CNTN6: variants seen among roughly 807,000 people sequenced by gnomAD.
CNTN6 encodes contactin 6.
CNTN6 carries 137 observed loss-of-function variants against 122.8 expected under a neutral mutation model. The ratio of observed to expected loss-of-function variants is 1.12; its 90% CI spans 0.97 to 1.29. CNTN6 has a LOEUF of 1.29. CNTN6 is among the 50% of genes most tolerant of loss of function. The pLI is 0.00. For synonymous variants in CNTN6, 570 were observed against 426.0 expected (o/e 1.34, Z -4.16); for missense variants, 1,634 against 1,223.4 (o/e 1.34, Z -5.01).
At chr3:1,094,378 C>T (rs2090408735) in intron 1 of CNTN6, among the ~76,000 whole-genome samples, 1 of 152,058 alleles carries the variant, frequency 6.6e-6, no homozygotes, top group Non-Finnish European at 1.5e-5. Flanking sequence ...AGAAGCATTT[C>T]ATCTTTGATG....
intron 20 of CNTN6, among the ~76,000 whole-genome samples, chr3:1,389,934 G>GACTT (rs1175650562): frequency 2.0e-5 from 3 of 150,680 alleles, no homozygotes; most frequent in Non-Finnish European, 4.4e-5. Context: ...CCTACAAAGA[G>GACTT]ACTTAGACTC....
At chr3:1,336,921 A>C (rs986965764) in intron 11 of CNTN6, among the ~76,000 whole-genome samples, 1 of 152,052 alleles carries the variant, frequency 6.6e-6, no homozygotes, top group Non-Finnish European at 1.5e-5. Flanking sequence ...GGAAGAAGGA[A>C]GCCAAAGTAA....
intron 3 of CNTN6, 100 bp from the exon 4 acceptor site, chr3:1,227,718 G>C: frequency 8.0e-7 from 1 of 1,248,566 alleles, no homozygotes; most frequent in Admixed American, 2.2e-5. Context: ...ATGTTTTTTG[G>C]TGTTTTTTAT....
chr3:1,297,822 G>A, intron 6 of CNTN6, 67 bp from the exon 7 acceptor site: 1 of 1,243,936 alleles, frequency 8.0e-7, no homozygotes, highest in South Asian at 1.3e-5. Flanking sequence ...TTTGGTTAAT[G>A]AAGCATTTAC....
At chr3:1,222,930 G>C (rs1040823629) in intron 3 of CNTN6, among the ~76,000 whole-genome samples, 1 of 152,096 alleles carries the variant, frequency 6.6e-6, no homozygotes, top group African/African-American at 2.4e-5. Context: ...AAGAGAGTGA[G>C]AAAAGAATTA....
At chr3:1,382,810 T>C (rs574529507) in intron 17 of CNTN6, 132 bp from the exon 18 acceptor site, 2 of 630,084 alleles carry the variant, frequency 3.2e-6, no homozygotes, top group East Asian at 5.7e-5. Context: ...AAGTGTTTTT[T>C]AATACATCAT....
chr3:1,300,554 AG>A, intron 7 of CNTN6, among the ~76,000 whole-genome samples: 1 of 89,304 alleles, frequency 1.1e-5, no homozygotes, highest in African/African-American at 3.1e-5. Context: ...AGAAAGAGAA[AG>A]AAAAAGAAAG....
At chr3:1,402,516 T>C in intron 22 of CNTN6, 30 bp downstream of exon 22, 1 of 1,569,342 alleles carries the variant, frequency 6.4e-7, no homozygotes, top group Non-Finnish European at 8.7e-7. Flanking sequence ...CTGTAGTAGA[T>C]TCTGAACCTA....
intron 3 of CNTN6, among the ~76,000 whole-genome samples, chr3:1,221,252 A>T (rs1276969652): frequency 6.6e-6 from 1 of 152,166 alleles, no homozygotes; most frequent in East Asian, 1.9e-4. Flanking sequence ...AAAGAAAAAA[A>T]TGAAGAGAAA....
chr3:1,378,597 CCAGA>C (rs1242393179), intron 17 of CNTN6, among the ~76,000 whole-genome samples: 1 of 152,134 alleles, frequency 6.6e-6, no homozygotes, highest in South Asian at 2.1e-4. Context: ...CTCTCAGAGG[CCAGA>C]CAGAGGGGGA....
chr3:1,257,245 A>G (rs2094774265), intron 4 of CNTN6, among the ~76,000 whole-genome samples: 1 of 152,134 alleles, frequency 6.6e-6, no homozygotes, highest in Non-Finnish European at 1.5e-5. Flanking sequence ...GAATTATTTT[A>G]AATATGTTAA....
intron 11 of CNTN6, among the ~76,000 whole-genome samples, chr3:1,342,734 A>G (rs918383539): frequency 2.0e-5 from 3 of 152,138 alleles, no homozygotes; most frequent in African/African-American, 7.2e-5. Flanking sequence ...TATTGTTATA[A>G]TAATTAAAAA....
chr3:1,222,597 A>G (rs1475011820), intron 3 of CNTN6, among the ~76,000 whole-genome samples: 3 of 152,132 alleles, frequency 2.0e-5, no homozygotes, highest in African/African-American at 7.2e-5. Flanking sequence ...ACAGTTTTCA[A>G]TGTTGTTAAA....
intron 17 of CNTN6, among the ~76,000 whole-genome samples, chr3:1,382,473 TG>T (rs1692047752): frequency 6.6e-6 from 1 of 152,226 alleles, no homozygotes; most frequent in Non-Finnish European, 1.5e-5. Context: ...AGAAATATTC[TG>T]TGTCTTAAAG....
intron 20 of CNTN6, among the ~76,000 whole-genome samples, chr3:1,388,272 T>C (rs1408280050): frequency 1.3e-5 from 2 of 148,604 alleles, no homozygotes; most frequent in African/African-American, 4.9e-5. Flanking sequence ...CCGAGCAGCC[T>C]AACTGGGAGG....
intron 4 of CNTN6, among the ~76,000 whole-genome samples, chr3:1,276,323 C>T (rs4538357): frequency 0.17 from 25,880 of 152,124 alleles, 2,492 homozygotes; most frequent in Non-Finnish European, 0.23. Context: ...GAACATGACA[C>T]TAAGAATGTT....
intron 2 of CNTN6, among the ~76,000 whole-genome samples, chr3:1,183,446 A>T (rs1434424149): frequency 2.0e-5 from 3 of 148,298 alleles, no homozygotes; most frequent in East Asian, 3.9e-4. Flanking sequence ...CCATGACCAT[A>T]TTTTTTTTTT....
At chr3:1,156,813 G>T (rs1311645794) in intron 2 of CNTN6, among the ~76,000 whole-genome samples, 1 of 151,818 alleles carries the variant, frequency 6.6e-6, no homozygotes, top group African/African-American at 2.4e-5. Flanking sequence ...GACCTCCTAG[G>T]CTTAAACAAT....
intron 2 of CNTN6, among the ~76,000 whole-genome samples, chr3:1,158,505 T>C (rs1001939445): frequency 3.3e-5 from 5 of 152,062 alleles, no homozygotes; most frequent in Admixed American, 6.6e-5. Context: ...TCATTGATTG[T>C]TTCCTTTTCT....
Sources: allele counts gnomAD v4.1 joint callset (sites outside exome capture counted in the v4.1 genomes callset), GRCh38; gene constraint gnomAD v4.1.1; transcripts MANE v1.5; gene names NCBI Gene and HGNC (gene_info 2026-07-23, HGNC 2026-07-21).